The following YAE1 variants were observed in gnomAD, a reference collection of about 807,000 sequenced individuals.
YAE1 encodes the protein YAE1 maturation factor of ABCE1.
In YAE1, 22 loss-of-function variants were observed where a neutral mutation model predicts 23.0. The ratio of observed to expected loss-of-function variants is 0.96; its 90% CI spans 0.68 to 1.37. YAE1 has a LOEUF of 1.37. Ranked by LOEUF, YAE1 falls within the 40% of genes most tolerant of loss-of-function variation. The pLI is 0.00. For synonymous variants in YAE1, 101 were observed against 97.0 expected (o/e 1.04, Z -0.24); for missense variants, 260 against 262.1 (o/e 0.99, Z 0.06).
chr7:39,609,909 C>A (rs1448875915), exon 3 of YAE1: 1 of 1,530,328 alleles, frequency 6.5e-7, no homozygotes, highest in Admixed American at 2.0e-5. Flanking sequence ...CCCCGCCTGG[C>A]CGCCAGAGGC....
intron 2 of YAE1, among the ~76,000 whole-genome samples, chr7:39,600,904 G>C (rs1201846691): frequency 1.3e-5 from 2 of 152,278 alleles, no homozygotes; most frequent in East Asian, 3.9e-4. Context: ...CCTTGATCTT[G>C]AACTTCTAGC....
chr7:39,591,592 G>T (rs1007354828), intron 2 of YAE1, among the ~76,000 whole-genome samples: 1 of 151,242 alleles, frequency 6.6e-6, no homozygotes, highest in African/African-American at 2.4e-5. Flanking sequence ...GATACCTCCT[G>T]CCCCCACACA....
chr7:39,566,751 A>G lies in YAE1; in HGVS notation c.129+204A>G, dbSNP rs1583665921. ...AACAAGACGCATTCTTTGAGCGCCT[A>G]CGGGATGCGTTAGAAACTGAGGACC... On this transcript the variant is annotated intron_variant, in intron 1 of 2. Transcript: ENST00000223273. The G allele has an allele frequency of 3.0e-6, 2 of 663,492 alleles. 1 individual carries two copies. The highest frequency in any genetic ancestry group is 4.1e-5 in the South Asian group (2 of 49,244). 41.1% of individuals were successfully genotyped at this position (663,492 alleles called of 1,614,324 possible).
chr7:39,573,175 A>G (rs1272542885), downstream of YAE1, among the ~76,000 whole-genome samples: 1 of 152,202 alleles, frequency 6.6e-6, no homozygotes, highest in African/African-American at 2.4e-5. Flanking sequence ...TGAAATTAAG[A>G]GACTGTGAGA....
chr7:39,592,240 C>T (rs890494678), intron 2 of YAE1, among the ~76,000 whole-genome samples: 1 of 151,686 alleles, frequency 6.6e-6, no homozygotes, highest in African/African-American at 2.4e-5. Flanking sequence ...TATGTTTAGT[C>T]CTTAAAGAAA....
intron 2 of YAE1, among the ~76,000 whole-genome samples, chr7:39,588,570 T>C (rs932602613): frequency 1.3e-5 from 2 of 151,554 alleles, no homozygotes; most frequent in Non-Finnish European, 2.9e-5. Flanking sequence ...TGCACAGTAG[T>C]CGCAGGAAAC....
intron 1 of YAE1, chr7:39,570,160 G>A: frequency 1.3e-6 from 1 of 742,146 alleles, no homozygotes; most frequent in South Asian, 1.7e-5. Flanking sequence ...ACAGTACCAG[G>A]ACTGCCAGCG....
chr7:39,586,564 C>A (rs977939082), intron 2 of YAE1, among the ~76,000 whole-genome samples: 30 of 151,188 alleles, frequency 2.0e-4, no homozygotes, highest in African/African-American at 7.3e-4. Flanking sequence ...GTGGCGCAGT[C>A]TCGGCTCACT....
chr7:39,610,255 C>T, exon 3 of YAE1: 2 of 545,024 alleles, frequency 3.7e-6, no homozygotes, highest in Admixed American at 2.9e-5. Context: ...CCATGTGGGA[C>T]AAGCCCAACA....
At chr7:39,573,295 T>C (rs963388429), downstream of YAE1, among the ~76,000 whole-genome samples, 4 of 115,000 alleles carry the variant, frequency 3.5e-5, no homozygotes, top group East Asian at 5.0e-4. Flanking sequence ...ATGAAAAACA[T>C]AGAAAATATA....
rs529394618 is a variant in YAE1 at position 39,570,798 on chromosome 7, CT to C, written c.251+172del. The C allele has an allele frequency of 3.2e-5, 24 of 753,472 alleles. No homozygotes were observed. The Admixed American group carries it at 8.5e-4, about 27-fold the overall frequency. 46.7% of individuals were successfully genotyped at this position (753,472 alleles called of 1,614,324 possible). Reference sequence around the variant, plus strand: ...TTCAAAAAGTCAAAATCTTTATCAGCTCATCTACTTTAATGTGTGAACTACA... The same window carrying C: ...TTCAAAAAGTCAAAATCTTTATCAGCCATCTACTTTAATGTGTGAACTACA... On this transcript the variant is annotated intron_variant, in intron 2 of 2. Coordinates refer to ENST00000223273, the MANE Select transcript of YAE1 (RefSeq NM_020192.5).
chr7:39,599,757 G>A (rs12701750), intron 2 of YAE1, among the ~76,000 whole-genome samples: 51,072 of 151,218 alleles, frequency 0.34, 9,072 homozygotes, highest in Admixed American at 0.4. Context: ...TTTTTGGGAT[G>A]GAGTCTCCCT....
At chr7:39,610,198 A>C in exon 3 of YAE1, 1 of 634,408 alleles carries the variant, frequency 1.6e-6, no homozygotes, top group East Asian at 2.8e-5. Context: ...AAACTAGCAG[A>C]GCAATACGAG....
intron 2 of YAE1, among the ~76,000 whole-genome samples, chr7:39,578,217 T>G (rs1384080497): frequency 1.3e-5 from 2 of 152,040 alleles, no homozygotes; most frequent in Non-Finnish European, 2.9e-5. Context: ...TGGTAGGGAG[T>G]TGGAGAACCT....
intron 2 of YAE1, among the ~76,000 whole-genome samples, chr7:39,586,383 A>G (rs530461281): frequency 1.3e-5 from 2 of 150,360 alleles, no homozygotes; most frequent in East Asian, 3.9e-4. Flanking sequence ...CGTGTTAGTC[A>G]GGATGGTCTC....
intron 2 of YAE1, among the ~76,000 whole-genome samples, chr7:39,593,493 C>T (rs1790934104): frequency 6.6e-6 from 1 of 152,194 alleles, no homozygotes; most frequent in South Asian, 2.1e-4. Flanking sequence ...AGTGATCCGC[C>T]TGCCCTGGCC....
At chr7:39,605,862 T>A (rs1791122984) in intron 2 of YAE1, among the ~76,000 whole-genome samples, 1 of 152,350 alleles carries the variant, frequency 6.6e-6, no homozygotes, top group African/African-American at 2.4e-5. Flanking sequence ...TTTTACTTCC[T>A]GCTGGGCTTT....
chr7:39,581,060 C>T (rs1420397089), intron 2 of YAE1, among the ~76,000 whole-genome samples: 1 of 152,196 alleles, frequency 6.6e-6, no homozygotes, highest in Non-Finnish European at 1.5e-5. Flanking sequence ...ATCTCACTCT[C>T]TCTTTTTCTC....
chr7:39,610,228 A>G, exon 3 of YAE1: 1 of 584,140 alleles, frequency 1.7e-6, no homozygotes, highest in Non-Finnish European at 3.1e-6. Context: ...AAATTCACAC[A>G]TGAGCAGATT....
Sources: allele counts gnomAD v4.1 joint callset (sites outside exome capture counted in the v4.1 genomes callset), GRCh38; gene constraint gnomAD v4.1.1; transcripts MANE v1.5; gene names NCBI Gene and HGNC (gene_info 2026-07-23, HGNC 2026-07-21).